Variants in GRM7 observed in about 807,000 individuals in gnomAD.
GRM7 encodes the protein glutamate metabotropic receptor 7.
A neutral mutation model predicts 84.5 loss-of-function variants in GRM7; 35 were observed. That is an observed-to-expected ratio of 0.41 (90% CI 0.32 to 0.55). The LOEUF (loss-of-function observed/expected upper bound fraction) is 0.55, where lower values mean the gene tolerates loss of function less well. GRM7 is among the 20% of genes least tolerant of loss of function. GRM7 has a pLI of 0.19. For missense variants in GRM7, 1,003 were observed against 1,194.6 expected (o/e 0.84, Z 2.36); for synonymous variants, 487 against 455.1 (o/e 1.07, Z -0.89).
intron 1 of GRM7, among the ~76,000 whole-genome samples, chr3:7,130,877 T>C (rs532043994): frequency 2.4e-3 from 364 of 152,232 alleles, no homozygotes; most frequent in African/African-American, 8.0e-3. Context: ...GAAGGGAACC[T>C]ACCAGGCTAC....
rs140560669 is a variant in GRM7 at position 6,906,235 on chromosome 3, G to A, written c.519+44328G>A. Among the ~76,000 whole-genome samples, 3 of 152,134 alleles carry A rather than the reference G, an allele frequency of 2.0e-5. No homozygotes were observed. The South Asian group carries it at 6.2e-4, about 32-fold the overall frequency. ...TAATATCGTTAGGATCTGACAGGCTGCTGGGTTCCAACAGCAGCAAGACAG... is the reference window on the plus strand; with the variant it reads ...TAATATCGTTAGGATCTGACAGGCTACTGGGTTCCAACAGCAGCAAGACAG... On this transcript the variant is annotated intron_variant, in intron 1 of 9. Transcript: ENST00000357716.
intron 8 of GRM7, among the ~76,000 whole-genome samples, chr3:7,595,509 G>A (rs569217338): frequency 6.6e-6 from 1 of 152,286 alleles, no homozygotes; most frequent in East Asian, 1.9e-4. Context: ...CTTGAATGCT[G>A]TGATATGATG....
chr3:7,725,427 T>C lies in GRM7; in HGVS notation c.2699-14930T>C, dbSNP rs937033890. Among the ~76,000 whole-genome samples the C allele has an allele frequency of 1.6e-4, 24 of 152,312 alleles. 1 individual carries two copies. In the South Asian group the frequency reaches 2.5e-3, roughly 16 times the overall value. ...AGCTTTGGGGCCAGACTCAGAATTC[T>C]TTCCCCACTTCTTCCTTCCATTTCT... On this transcript the variant is annotated intron_variant, in intron 9 of 9. Coordinates refer to ENST00000357716, the MANE Select transcript of GRM7 (RefSeq NM_000844.4).
intron 4 of GRM7, among the ~76,000 whole-genome samples, chr3:7,371,805 A>C (rs1422338025): frequency 6.6e-6 from 1 of 152,210 alleles, no homozygotes; most frequent in Admixed American, 6.5e-5. Context: ...ATTTGAAAGA[A>C]GAATCCAACT....
Position 7,149,653 on chromosome 3 carries a change from C to G in GRM7, c.736+2985C>G, listed in dbSNP as rs184217753. ...ACACTGGTTATGCTGTCAGAAAGACCTGGATTTGAATGATGGACTCCATCA... is the reference window on the plus strand; with the variant it reads ...ACACTGGTTATGCTGTCAGAAAGACGTGGATTTGAATGATGGACTCCATCA... On this transcript the variant is annotated intron_variant, in intron 2 of 9. Transcript: ENST00000357716. Among the ~76,000 whole-genome samples, 720 of 152,196 alleles carry G rather than the reference C, an allele frequency of 4.7e-3. 4 individuals are homozygous for G. Among genetic ancestry groups the G allele is most frequent in the South Asian group, 0.018 (86 of 4,824 alleles).
chr3:6,879,573 T>G (rs1695433325), intron 1 of GRM7, among the ~76,000 whole-genome samples: 2 of 152,096 alleles, frequency 1.3e-5, no homozygotes, highest in African/African-American at 4.8e-5. Context: ...GAAAGATGAG[T>G]GGACATAAAA....
chr3:7,726,448 A>C (rs1455394229), intron 9 of GRM7, among the ~76,000 whole-genome samples: 1 of 151,562 alleles, frequency 6.6e-6, no homozygotes, highest in African/African-American at 2.4e-5. Context: ...AAAATGTAAA[A>C]AACATTTAAT....
chr3:7,425,424 A>G (rs1696567545), intron 5 of GRM7, among the ~76,000 whole-genome samples: 2 of 152,186 alleles, frequency 1.3e-5, no homozygotes, highest in Non-Finnish European at 2.9e-5. Context: ...TGACTATAAA[A>G]TTCTCTCTGA....
intron 1 of GRM7, among the ~76,000 whole-genome samples, chr3:7,105,174 T>A (rs1401761538): frequency 6.6e-6 from 1 of 151,722 alleles, no homozygotes; most frequent in Non-Finnish European, 1.5e-5. Flanking sequence ...TTTGTCATAA[T>A]GTGGTAATGA....
chr3:6,861,546 G>A lies in GRM7; in HGVS notation c.158G>A (p.Gly53Glu). 1.3e-6 allele frequency: 2 copies of A among 1,587,622 alleles called. No homozygotes were observed. Among genetic ancestry groups the A allele is most frequent in the Non-Finnish European group, 1.7e-6 (2 of 1,166,330 alleles). Residue 53 changes from glycine (G) to glutamate (E), a missense_variant, in exon 1 of 10, where the codon GGG becomes GAG. Coordinates refer to ENST00000357716, the MANE Select transcript of GRM7 (RefSeq NM_000844.4). The surrounding 1 kb of genome is among the most constrained non-coding windows in gnomAD (Gnocchi z 6.4). Reference protein sequence around the residue: ...IRIEGDVTLGGLFPVHAKGPS... With the variant: ...IRIEGDVTLGELFPVHAKGPS... ...ATCGAGGGGGACGTCACCCTCGGGG[G>A]GCTGTTCCCCGTGCACGCCAAGGGT...
chr3:7,531,833 A>G (rs1701048034), intron 7 of GRM7, among the ~76,000 whole-genome samples: 5 of 152,124 alleles, frequency 3.3e-5, no homozygotes, highest in Admixed American at 2.0e-4. Context: ...AGAACTTCCA[A>G]TACTATGTTG....
chr3:7,615,684 T>C (rs1304641664), intron 8 of GRM7, among the ~76,000 whole-genome samples: 1 of 152,082 alleles, frequency 6.6e-6, no homozygotes, highest in Non-Finnish European at 1.5e-5. Flanking sequence ...CTGAATTTTA[T>C]AAGGTTTTCC....
chr3:7,590,287 T>C (rs1358814334), intron 8 of GRM7, among the ~76,000 whole-genome samples: 1 of 152,158 alleles, frequency 6.6e-6, no homozygotes, highest in African/African-American at 2.4e-5. Context: ...TCAGACTCTT[T>C]CTTAGAGCCC....
chr3:6,893,375 T>C (rs1385710466), intron 1 of GRM7, among the ~76,000 whole-genome samples: 2 of 152,204 alleles, frequency 1.3e-5, no homozygotes, highest in Admixed American at 6.5e-5. Flanking sequence ...TTGGCATATA[T>C]TGCGTTACTC....
At chr3:6,867,553 T>C (rs1417427799) in intron 1 of GRM7, among the ~76,000 whole-genome samples, 3 of 152,200 alleles carry the variant, frequency 2.0e-5, no homozygotes, top group Admixed American at 6.5e-5. Context: ...TTTCATGGTA[T>C]AATGGAATAC....
chr3:7,302,071 T>C (rs1238667697), intron 3 of GRM7, among the ~76,000 whole-genome samples: 3 of 152,134 alleles, frequency 2.0e-5, no homozygotes, highest in African/African-American at 7.2e-5. Context: ...GTAAATCCAC[T>C]GGAAAATAAA....
intron 2 of GRM7, among the ~76,000 whole-genome samples, chr3:7,234,034 C>T (rs1430941511): frequency 6.6e-6 from 1 of 151,906 alleles, no homozygotes; most frequent in Non-Finnish European, 1.5e-5. Context: ...ATTGTATTGC[C>T]CTAGGCTTTA....
At chr3:7,514,091 G>C (rs1292854612) in intron 7 of GRM7, among the ~76,000 whole-genome samples, 2 of 152,208 alleles carry the variant, frequency 1.3e-5, no homozygotes, top group African/African-American at 4.8e-5. Flanking sequence ...GGTGAGTATT[G>C]AGTCAATGAG....
chr3:7,141,423 A>C (rs1400387311), intron 1 of GRM7, among the ~76,000 whole-genome samples: 1 of 152,082 alleles, frequency 6.6e-6, no homozygotes. Context: ...TTTTAGGAAG[A>C]GCAAGAATGA....
Sources: allele counts gnomAD v4.1 joint callset (sites outside exome capture counted in the v4.1 genomes callset), GRCh38; gene constraint gnomAD v4.1.1; non-coding constraint Gnocchi (gnomAD v3.1); transcripts MANE v1.5; gene names NCBI Gene and HGNC (gene_info 2026-07-23, HGNC 2026-07-21).